SLC14A2: variants seen among roughly 807,000 people sequenced by gnomAD.
The protein encoded by SLC14A2 is solute carrier family 14 member 2.
Under a neutral mutation model 104.6 loss-of-function variants are expected in SLC14A2, and 91 were observed. The ratio of observed to expected loss-of-function variants is 0.87; its 90% CI spans 0.73 to 1.04. The LOEUF is 1.04. Ranked by LOEUF, SLC14A2 falls within the 50% of genes least tolerant of loss-of-function variation. SLC14A2 has a pLI of 0.00. For missense variants in SLC14A2, 1,189 were observed against 1,156.0 expected (o/e 1.03, Z -0.41); for synonymous variants, 476 against 466.4 (o/e 1.02, Z -0.27).
intron 1 of SLC14A2, among the ~76,000 whole-genome samples, chr18:45,427,572 T>C (rs2086452507): frequency 6.6e-6 from 1 of 152,172 alleles, no homozygotes; most frequent in African/African-American, 2.4e-5. Flanking sequence ...GTCTGGGAAC[T>C]GAGTTCTGTC....
chr18:45,288,661 G>T (rs74570435), intron 1 of SLC14A2, among the ~76,000 whole-genome samples: 8,344 of 152,262 alleles, frequency 0.055, 594 homozygotes, highest in African/African-American at 0.16. Flanking sequence ...GAAATGGGAA[G>T]AATCATAGTT....
intron 1 of SLC14A2, among the ~76,000 whole-genome samples, chr18:45,377,442 A>G (rs968129282): frequency 3.3e-5 from 5 of 152,088 alleles, no homozygotes; most frequent in African/African-American, 1.2e-4. Flanking sequence ...CTGGCTTCCA[A>G]CTGCCAAATA....
chr18:45,180,046 G>A, the SLC14A2 span: 2 of 152,416 alleles, frequency 1.3e-5, no homozygotes, highest in African/African-American at 4.8e-5. Context: ...ACACTCAGGA[G>A]GCTGAGGTGG....
intron 2 of SLC14A2, among the ~76,000 whole-genome samples, chr18:45,533,048 C>A (rs2043722690): frequency 6.6e-6 from 1 of 152,072 alleles, no homozygotes; most frequent in African/African-American, 2.4e-5. Flanking sequence ...GGGATGAAGC[C>A]CACTTGATCA....
intron 1 of SLC14A2, among the ~76,000 whole-genome samples, chr18:45,466,603 A>G (rs1415744252): frequency 6.7e-6 from 1 of 149,296 alleles, no homozygotes; most frequent in East Asian, 2.0e-4. Flanking sequence ...CAGAGTCCAC[A>G]GAGACAGACC....
chr18:45,228,171 A>T (rs868313299), intron 1 of SLC14A2, among the ~76,000 whole-genome samples: 1 of 152,222 alleles, frequency 6.6e-6, no homozygotes, highest in Non-Finnish European at 1.5e-5. Flanking sequence ...GGGATGATTT[A>T]GTATTATTAC....
chr18:45,256,863 C>A (rs1450301556), intron 1 of SLC14A2, among the ~76,000 whole-genome samples: 2 of 152,244 alleles, frequency 1.3e-5, no homozygotes, highest in Non-Finnish European at 2.9e-5. Flanking sequence ...TCTGGAAAGA[C>A]CTTGAAAGGT....
chr18:45,192,247 T>G, the SLC14A2 span, among the ~76,000 whole-genome samples: 1 of 152,208 alleles, frequency 6.6e-6, no homozygotes, highest in Non-Finnish European at 1.5e-5. Context: ...AAATATTATT[T>G]TTCAGTTTTA....
rs778918680 is a variant in SLC14A2, at chr18:45,408,441, A to T, written c.-124-74792A>T. 1.1e-4 allele frequency among the ~76,000 whole-genome samples: 17 copies of T among 152,320 alleles called. No individual in the cohort carries two copies. In the Middle Eastern group the frequency reaches 0.01, roughly 91 times the overall value. ...TTTAATCCACCCTGAGTGAAGCTGG[A>T]ACTGTAACACACCTTCCCTGAATAG... On this transcript the variant is annotated intron_variant, in intron 1 of 20. Transcript: ENST00000586448.
At chr18:45,521,915 G>T (rs2043522388) in intron 2 of SLC14A2, among the ~76,000 whole-genome samples, 1 of 152,138 alleles carries the variant, frequency 6.6e-6, no homozygotes, top group African/African-American at 2.4e-5. Flanking sequence ...TTTCCCAGAG[G>T]CCTATGGGGT....
At position 45,663,902 on chromosome 18, in the gene SLC14A2, G is replaced by A. The variant is rs751709023; in HGVS notation, c.1469G>A (p.Ser490Asn). 3.1e-6 allele frequency: 5 copies of A among 1,611,588 alleles called. No individual in the cohort carries two copies. The highest frequency in any genetic ancestry group is 4.2e-6 in the Non-Finnish European group (5 of 1,179,020). Residue 490 changes from serine (S) to asparagine (N), a missense_variant, in exon 11 of 20, where the codon AGC becomes AAC. Physicochemically the swap from Ser to Asn is conservative, Grantham distance 46. Transcript: ENST00000255226. The stretch of plus-strand genomic sequence containing the variant: ...GAGTGGTCATCCATTCGGAGGAGGA[G>A]CAAAGGTGTGCATGTCCTCCCCCTC... ...HIEWSSIRRR[S>N]KVFGKGEHQE...
intron 2 of SLC14A2, among the ~76,000 whole-genome samples, chr18:45,518,951 G>A (rs2043479333): frequency 6.6e-6 from 1 of 152,166 alleles, no homozygotes; most frequent in South Asian, 2.1e-4. Context: ...CAAGGGGCCA[G>A]CCTGGTGGCA....
intron 1 of SLC14A2, among the ~76,000 whole-genome samples, chr18:45,297,844 C>T (rs138055901): frequency 6.6e-6 from 1 of 152,110 alleles, no homozygotes. Flanking sequence ...AACCAACCCA[C>T]GGAACTGACC....
At position 45,637,197 on chromosome 18, in the gene SLC14A2, G is replaced by A. The variant is rs188953068; in HGVS notation, c.843+15G>A. 137 of 1,609,496 alleles carry A rather than the reference G, an allele frequency of 8.5e-5. No homozygotes were observed. The highest frequency in any genetic ancestry group is 8.2e-4 in the Admixed American group (49 of 59,890). The stretch of plus-strand genomic sequence containing the variant: ...AAATGCCCCTGGTAAGTTACCCAGC[G>A]GTGATGAGTTGAGACCCCCATATTC... On this transcript the variant is annotated intron_variant, in intron 6 of 19. Transcript: ENST00000255226.
Position 45,567,932 on chromosome 18 carries a change from C to T in SLC14A2, c.-34-56699C>T, listed in dbSNP as rs1313174025. Among the ~76,000 whole-genome samples, 4 of 152,350 alleles carry T rather than the reference C, an allele frequency of 2.6e-5. No individual in the cohort carries two copies. The South Asian group carries it at 8.3e-4, about 32-fold the overall frequency. On this transcript the variant is annotated intron_variant, in intron 2 of 20. Transcript: ENST00000586448. Reference sequence around the variant, plus strand: ...GCAGCCACATCCCTCACAACCTGTTCTACAGTTCCTGGGTCAGGGGAGGTG... The same window carrying T: ...GCAGCCACATCCCTCACAACCTGTTTTACAGTTCCTGGGTCAGGGGAGGTG...
At chr18:45,476,765 A>G (rs971748101) in intron 1 of SLC14A2, among the ~76,000 whole-genome samples, 6 of 152,002 alleles carry the variant, frequency 3.9e-5, no homozygotes, top group African/African-American at 1.5e-4. Flanking sequence ...CTTCCACTTG[A>G]TCGATTCGGC....
the SLC14A2 span, among the ~76,000 whole-genome samples, chr18:45,177,772 T>A: frequency 6.6e-6 from 1 of 152,210 alleles, no homozygotes; most frequent in Non-Finnish European, 1.5e-5. Flanking sequence ...TAGTAGTTTA[T>A]TACTAGTGCT....
At chr18:45,501,746 T>A (rs2144762671) in intron 2 of SLC14A2, among the ~76,000 whole-genome samples, 1 of 152,324 alleles carries the variant, frequency 6.6e-6, no homozygotes, top group South Asian at 2.1e-4. Flanking sequence ...TTCTCAACAC[T>A]TTCCCCGGAT....
intron 1 of SLC14A2, among the ~76,000 whole-genome samples, chr18:45,278,663 G>C (rs8094408): frequency 0.095 from 14,501 of 152,098 alleles, 1,493 homozygotes; most frequent in African/African-American, 0.24. Context: ...CATGCATACT[G>C]TAGTCCCATA....
Sources: gnomAD v4.1 joint callset for allele counts (sites outside exome capture counted in the v4.1 genomes callset) on GRCh38, gnomAD v4.1.1 for gene constraint, MANE v1.5 for transcripts, NCBI Gene and HGNC (gene_info 2026-07-23, HGNC 2026-07-21) for gene names.